Variants in GABRB1 observed in about 807,000 individuals in gnomAD.
The protein encoded by GABRB1 is gamma-aminobutyric acid receptor subunit beta-1.
In GABRB1, 17 loss-of-function variants were observed where a neutral mutation model predicts 51.6. The observed-to-expected ratio is 0.33, with a 90% CI of 0.23 to 0.49. The LOEUF (loss-of-function observed/expected upper bound fraction) is 0.49. Ranked by LOEUF, GABRB1 falls within the 20% of genes least tolerant of loss-of-function variation. The pLI is 0.99. For synonymous variants in GABRB1, 247 were observed against 218.9 expected, an observed-to-expected ratio of 1.13 and a Z score of -1.14; for missense variants, 410 against 600.6, an observed-to-expected ratio of 0.68 and a Z score of 3.32.
intron 3 of GABRB1, among the ~76,000 whole-genome samples, chr4:47,104,415 A>G (rs1714863185): frequency 6.6e-6 from 1 of 151,694 alleles, no homozygotes; most frequent in Non-Finnish European, 1.5e-5. Context: ...TTTAAGCTTA[A>G]TGCATCTGTG....
chr4:47,105,574 T>C (rs923826483), intron 3 of GABRB1, among the ~76,000 whole-genome samples: 3 of 152,124 alleles, frequency 2.0e-5, no homozygotes, highest in Admixed American at 1.3e-4. Context: ...AGTGGAGATG[T>C]TATTTTCTTT....
At chr4:47,002,623 CA>C (rs1724263745) in intron 1 of GABRB1, among the ~76,000 whole-genome samples, 1 of 151,948 alleles carries the variant, frequency 6.6e-6, no homozygotes, top group Admixed American at 6.6e-5. Context: ...ACCTATAACA[CA>C]AATCAGACAC....
At chr4:47,404,687 C>T (rs1443007250) in intron 7 of GABRB1, among the ~76,000 whole-genome samples, 1 of 152,172 alleles carries the variant, frequency 6.6e-6, no homozygotes, top group Non-Finnish European at 1.5e-5. Flanking sequence ...CAAGTGTTTG[C>T]AGCCCCTTAT....
intron 4 of GABRB1, among the ~76,000 whole-genome samples, chr4:47,290,730 T>C (rs1723694837): frequency 6.6e-6 from 1 of 152,122 alleles, no homozygotes; most frequent in African/African-American, 2.4e-5. Context: ...TTAGCAAAGA[T>C]ACTGGCGGCA....
intron 3 of GABRB1, among the ~76,000 whole-genome samples, chr4:47,070,292 TC>T (rs1727274765): frequency 1.3e-5 from 2 of 152,138 alleles, no homozygotes; most frequent in Non-Finnish European, 2.9e-5. Flanking sequence ...TGCCTTGGCC[TC>T]CCAAAGTGCT....
intron 4 of GABRB1, among the ~76,000 whole-genome samples, chr4:47,311,038 G>C (rs1455501595): frequency 8.7e-5 from 9 of 104,004 alleles, no homozygotes; most frequent in Non-Finnish European, 1.2e-4. Flanking sequence ...TCCAACCTGG[G>C]TAACAGAGAG....
chr4:47,076,367 A>T (rs1727549453), intron 3 of GABRB1, among the ~76,000 whole-genome samples: 1 of 152,212 alleles, frequency 6.6e-6, no homozygotes, highest in Non-Finnish European at 1.5e-5. Context: ...ACAGCAGCTC[A>T]GACTAAGCAA....
At chr4:47,357,357 A>G (rs945067982) in intron 5 of GABRB1, among the ~76,000 whole-genome samples, 1 of 152,204 alleles carries the variant, frequency 6.6e-6, no homozygotes, top group Non-Finnish European at 1.5e-5. Context: ...TATGGCCAGT[A>G]GTCAGCTGAT....
chr4:47,042,479 AAT>A (rs1231491806), intron 3 of GABRB1, among the ~76,000 whole-genome samples: 15 of 145,738 alleles, frequency 1.0e-4, no homozygotes, highest in Admixed American at 3.5e-4. Context: ...TATATATACA[AAT>A]ATATATATAT....
intron 4 of GABRB1, among the ~76,000 whole-genome samples, chr4:47,239,869 G>A (rs971273690): frequency 6.6e-6 from 1 of 152,084 alleles, no homozygotes; most frequent in African/African-American, 2.4e-5. Context: ...CACCCTATCC[G>A]GCCTTTCTCA....
chr4:47,354,870 A>ATCTC (rs66998340), intron 5 of GABRB1, among the ~76,000 whole-genome samples: 2 of 140,934 alleles, frequency 1.4e-5, no homozygotes, highest in Non-Finnish European at 3.0e-5. Context: ...TTTTTTTTTT[A>ATCTC]TACCCTGACC....
chr4:47,019,888 A>ATATATGTATAGG (rs1553909558), intron 1 of GABRB1, among the ~76,000 whole-genome samples: 4 of 139,676 alleles, frequency 2.9e-5, no homozygotes, highest in South Asian at 4.5e-4. Flanking sequence ...TATATATATA[A>ATATATGTATAGG]TATATGTATA....
At chr4:47,162,252 C>A (rs759529700) in intron 4 of GABRB1, among the ~76,000 whole-genome samples, 40 of 151,994 alleles carry the variant, frequency 2.6e-4, no homozygotes, top group Non-Finnish European at 4.9e-4. Context: ...GGTTCATATA[C>A]TATAAATCAA....
At chr4:47,243,446 G>A (rs1226689215) in intron 4 of GABRB1, among the ~76,000 whole-genome samples, 1 of 152,134 alleles carries the variant, frequency 6.6e-6, no homozygotes, top group Non-Finnish European at 1.5e-5. Flanking sequence ...AGCTTGATGG[G>A]AATGGCATTG....
At chr4:47,081,359 T>C (rs1232918987) in intron 3 of GABRB1, among the ~76,000 whole-genome samples, 2 of 152,170 alleles carry the variant, frequency 1.3e-5, no homozygotes, top group African/African-American at 2.4e-5. Flanking sequence ...CACTTGGTTG[T>C]TTCAAAGCTT....
intron 1 of GABRB1, among the ~76,000 whole-genome samples, chr4:47,010,834 A>G (rs577194110): frequency 1.2e-3 from 184 of 152,312 alleles, no homozygotes; most frequent in African/African-American, 4.2e-3. Flanking sequence ...TAGGATTTTT[A>G]TCAAAGATGA....
intron 4 of GABRB1, among the ~76,000 whole-genome samples, chr4:47,300,308 G>A (rs546750363): frequency 1.7e-4 from 26 of 151,954 alleles, no homozygotes; most frequent in African/African-American, 5.8e-4. Flanking sequence ...TATCTAAATA[G>A]CCAGTGATTA....
At chr4:47,119,681 T>C (rs1409178637) in intron 3 of GABRB1, among the ~76,000 whole-genome samples, 2 of 152,068 alleles carry the variant, frequency 1.3e-5, no homozygotes, top group Non-Finnish European at 2.9e-5. Context: ...GCTAATTTTG[T>C]ATTTTTTAGC....
At chr4:47,177,341 A>G (rs1192076334) in intron 4 of GABRB1, among the ~76,000 whole-genome samples, 2 of 152,142 alleles carry the variant, frequency 1.3e-5, no homozygotes, top group Non-Finnish European at 2.9e-5. Context: ...AAATGTGGGC[A>G]GAACTAGAGA....
Sources: allele counts gnomAD v4.1 joint callset (sites outside exome capture counted in the v4.1 genomes callset), GRCh38; gene constraint gnomAD v4.1.1; transcripts MANE v1.5; gene names NCBI Gene and HGNC (gene_info 2026-07-23, HGNC 2026-07-21).